Variants in CBFA2T2 observed in about 807,000 individuals in gnomAD.
CBFA2T2 encodes protein CBFA2T2.
CBFA2T2 carries 11 observed loss-of-function variants against 62.2 expected under a neutral mutation model. The observed-to-expected ratio is 0.18, with a 90% CI of 0.11 to 0.29. The LOEUF (loss-of-function observed/expected upper bound fraction) is 0.29, where lower values mean the gene tolerates loss of function less well. Among genes scored for constraint, CBFA2T2 ranks in the 10% least tolerant of loss-of-function variants. The probability of loss-of-function intolerance (pLI) is 1.00; values close to 1 mark genes in which losing one functional copy is unlikely to be tolerated. For synonymous variants in CBFA2T2, 295 were observed against 287.5 expected (o/e 1.03, Z -0.27); for missense variants, 592 against 774.1 (o/e 0.76, Z 2.79).
At chr20:33,579,235 AT>A (rs1022388330) in intron 1 of CBFA2T2, among the ~76,000 whole-genome samples, 13 of 150,422 alleles carry the variant, frequency 8.6e-5, no homozygotes, top group Admixed American at 8.0e-4. Context: ...TTTTTATTCA[AT>A]TTTTTTTAAA....
In CBFA2T2 at chr20:33,513,746, A is replaced by G. The variant is rs2011548898; in HGVS notation, c.34+23445A>G. On this transcript the variant is annotated intron_variant, in intron 1 of 10. Transcript: ENST00000342704. ...GGAGAATCGCTTGAACCCGGGAGGA[A>G]GAGATTGCAGTGAGCCAAGATTGCG... is the stretch of plus-strand genomic sequence containing the variant. Among the ~76,000 whole-genome samples, 8 of 145,154 alleles carry G rather than the reference A, an allele frequency of 5.5e-5. No homozygotes were observed. In the South Asian group the frequency reaches 1.6e-3, roughly 29 times the overall value.
intron 1 of CBFA2T2, among the ~76,000 whole-genome samples, chr20:33,587,190 T>G (rs924048041): frequency 3.9e-5 from 6 of 152,166 alleles, no homozygotes; most frequent in African/African-American, 1.4e-4. Context: ...GCAATCCTCC[T>G]GCCTTGGCCT....
intron 1 of CBFA2T2, among the ~76,000 whole-genome samples, chr20:33,567,535 T>G (rs1177052698): frequency 6.6e-6 from 1 of 152,216 alleles, no homozygotes; most frequent in Non-Finnish European, 1.5e-5. Flanking sequence ...TATAATGTTT[T>G]ATTCTTGTTA....
chr20:33,595,956 A>G lies in CBFA2T2; in HGVS notation c.35-11000A>G, dbSNP rs369988827. On this transcript the variant is annotated intron_variant, in intron 1 of 10. Transcript: ENST00000342704. ...TGTCCAGGGTTCCACAGTAGCTGAT[A>G]AATTGGCAGAAAAATCAGGATTCAC... Among the ~76,000 whole-genome samples, 105 of 152,352 alleles carry G rather than the reference A, an allele frequency of 6.9e-4. 1 individual carries two copies. The South Asian group carries it at 0.021, about 30-fold the overall frequency.
chr20:33,493,067 G>GGTTTT (rs1214911193), intron 1 of CBFA2T2, among the ~76,000 whole-genome samples: 4 of 138,382 alleles, frequency 2.9e-5, no homozygotes, highest in African/African-American at 8.2e-5. Flanking sequence ...TTGAAGTTTT[G>GGTTTT]GTTTTTTTTT....
At position 33,623,956 on chromosome 20, in the gene CBFA2T2, A is replaced by G. The variant is rs1389571797; in HGVS notation, c.692+660A>G. The G allele has an allele frequency of 2.5e-5, 12 of 470,676 alleles. No homozygotes were observed. In the Admixed American group the frequency reaches 2.7e-4, roughly 11 times the overall value. 29.2% of individuals were successfully genotyped at this position (470,676 alleles called of 1,614,324 possible). A position where few individuals can be genotyped will look rare whatever the true frequency, so the allele number is the denominator to read the frequency against. Reference sequence around the variant, plus strand: ...GATGCTGTTTGTAGAAAGAATTGGAAAAAAAAAAAAAAGAAAAGAAAAGAA... The same window carrying G: ...GATGCTGTTTGTAGAAAGAATTGGAGAAAAAAAAAAAAGAAAAGAAAAGAA... On this transcript the variant is annotated intron_variant, in intron 5 of 10. Transcript: ENST00000342704.
intron 3 of CBFA2T2, among the ~76,000 whole-genome samples, chr20:33,611,868 G>A (rs992749553): frequency 6.6e-6 from 1 of 152,118 alleles, no homozygotes; most frequent in South Asian, 2.1e-4. Flanking sequence ...GTTATTTAAG[G>A]TGGTGATTTA....
At chr20:33,611,720 G>A (rs1039694784) in intron 3 of CBFA2T2, among the ~76,000 whole-genome samples, 1 of 152,026 alleles carries the variant, frequency 6.6e-6, no homozygotes, top group Non-Finnish European at 1.5e-5. Flanking sequence ...TCTCTATCTT[G>A]TTCAGGCTGC....
At chr20:33,537,945 TA>T (rs1225877339) in intron 1 of CBFA2T2, among the ~76,000 whole-genome samples, 1 of 151,968 alleles carries the variant, frequency 6.6e-6, no homozygotes, top group African/African-American at 2.4e-5. Context: ...TTGTTTTAGG[TA>T]ATCTAGGTTC....
chr20:33,511,506 G>A (rs1035046094), intron 1 of CBFA2T2, among the ~76,000 whole-genome samples: 1 of 151,834 alleles, frequency 6.6e-6, no homozygotes, highest in African/African-American at 2.4e-5. Context: ...TATCTGTTTT[G>A]GTACCAGTAC....
At chr20:33,513,161 AGTT>A (rs2011539066) in intron 1 of CBFA2T2, among the ~76,000 whole-genome samples, 2 of 152,054 alleles carry the variant, frequency 1.3e-5, no homozygotes, top group South Asian at 2.1e-4. Context: ...AGTTTTCCAG[AGTT>A]GTTCTATCAG....
chr20:33,574,619 A>T (rs775288445), intron 1 of CBFA2T2, among the ~76,000 whole-genome samples: 1 of 152,244 alleles, frequency 6.6e-6, no homozygotes, highest in Non-Finnish European at 1.5e-5. Context: ...GTGAAACTCC[A>T]TCTCAAAAAA....
chr20:33,627,854 T>C (rs2016300159), intron 6 of CBFA2T2, among the ~76,000 whole-genome samples: 1 of 152,210 alleles, frequency 6.6e-6, no homozygotes, highest in Non-Finnish European at 1.5e-5. Context: ...GGTATACCCT[T>C]AATTCACACA....
At chr20:33,589,872 T>C (rs1293431388) in intron 1 of CBFA2T2, among the ~76,000 whole-genome samples, 3 of 152,320 alleles carry the variant, frequency 2.0e-5, no homozygotes, top group South Asian at 2.1e-4. Flanking sequence ...TTCCTTTTGA[T>C]AATATGTTTA....
At chr20:33,627,395 AG>A (rs201457985) in intron 6 of CBFA2T2, among the ~76,000 whole-genome samples, 13 of 151,288 alleles carry the variant, frequency 8.6e-5, no homozygotes, top group African/African-American at 1.2e-4. Flanking sequence ...GACTCCGTCA[AG>A]GGGGGGGAAA....
chr20:33,524,247 A>G (rs757331157), intron 1 of CBFA2T2, among the ~76,000 whole-genome samples: 2 of 152,148 alleles, frequency 1.3e-5, no homozygotes, highest in South Asian at 4.1e-4. Context: ...AAGAAAATCA[A>G]CACTGATTGT....
chr20:33,615,743 T>TAA (rs554069610), intron 3 of CBFA2T2, among the ~76,000 whole-genome samples: 3 of 147,732 alleles, frequency 2.0e-5, no homozygotes, highest in African/African-American at 7.5e-5. Context: ...CCCATCACTT[T>TAA]AAAAAAAAAA....
intron 1 of CBFA2T2, among the ~76,000 whole-genome samples, chr20:33,581,915 C>T (rs993353726): frequency 2.6e-5 from 4 of 152,138 alleles, no homozygotes; most frequent in African/African-American, 9.7e-5. Context: ...ATAAACTCTT[C>T]ATTAGTGGAA....
At chr20:33,627,361 C>T (rs139209065) in intron 6 of CBFA2T2, among the ~76,000 whole-genome samples, 2,152 of 152,024 alleles carry the variant, frequency 0.014, 52 homozygotes, top group African/African-American at 0.049. Flanking sequence ...CACACCGCTG[C>T]ACTCCATCCT....
Sources: allele counts gnomAD v4.1 joint callset (sites outside exome capture counted in the v4.1 genomes callset), GRCh38; gene constraint gnomAD v4.1.1; transcripts MANE v1.5; gene names NCBI Gene and HGNC (gene_info 2026-07-23, HGNC 2026-07-21).